Variants in TANC2 observed in about 807,000 individuals in gnomAD.
The protein encoded by TANC2 is protein TANC2.
In TANC2, 26 loss-of-function variants were observed where a neutral mutation model predicts 210.5. That is an observed-to-expected ratio of 0.12 (90% CI 0.09 to 0.17). The LOEUF (loss-of-function observed/expected upper bound fraction) is 0.17, where lower values mean the gene tolerates loss of function less well. TANC2 is among the 10% of genes least tolerant of loss of function. The probability of loss-of-function intolerance (pLI) is 1.00; values close to 1 mark genes in which losing one functional copy is unlikely to be tolerated. For missense variants in TANC2, 2,129 were observed against 2,608.9 expected, an observed-to-expected ratio of 0.82 and a Z score of 4.01; for synonymous variants, 931 against 967.1, an observed-to-expected ratio of 0.96 and a Z score of 0.69.
intron 8 of TANC2, among the ~76,000 whole-genome samples, chr17:63,258,691 TGTG>T (rs150014909): frequency 0.022 from 3,276 of 152,154 alleles, 62 homozygotes; most frequent in Admixed American, 0.077. Context: ...TCATTCAGCT[TGTG>T]GTGAATGCTG....
intron 4 of TANC2, among the ~76,000 whole-genome samples, chr17:63,140,750 T>C (rs187176350): frequency 6.6e-6 from 1 of 152,240 alleles, no homozygotes; most frequent in East Asian, 1.9e-4. Context: ...GAGAAACAGT[T>C]TTTTGTTTTG....
exon 12 of TANC2, chr17:63,340,163 C>T (rs779873517): frequency 7.4e-6 from 12 of 1,613,792 alleles, no homozygotes; most frequent in Non-Finnish European, 9.3e-6. Flanking sequence ...CAGAATTTGT[C>T]CACAATGTTG....
chr17:63,108,606 C>G (rs1051534417), intron 4 of TANC2, among the ~76,000 whole-genome samples: 2 of 151,598 alleles, frequency 1.3e-5, no homozygotes, highest in East Asian at 1.9e-4. Context: ...GCCAAGAGAT[C>G]GAGACCATCC....
intron 6 of TANC2, among the ~76,000 whole-genome samples, chr17:63,198,449 G>C (rs2041418650): frequency 6.6e-6 from 1 of 152,152 alleles, no homozygotes; most frequent in Non-Finnish European, 1.5e-5. Flanking sequence ...CCTGCCTCAA[G>C]CCTCCCAAAG....
intron 2 of TANC2, among the ~76,000 whole-genome samples, chr17:63,021,027 A>C (rs1436129508): frequency 6.6e-6 from 1 of 152,140 alleles, no homozygotes. Flanking sequence ...AGCTACCCTC[A>C]TGACCCAGAT....
chr17:63,360,597 A>G (rs1169825121), intron 14 of TANC2, among the ~76,000 whole-genome samples: 1 of 152,168 alleles, frequency 6.6e-6, no homozygotes, highest in Admixed American at 6.5e-5. Flanking sequence ...TCAGGGTAAA[A>G]TATCCATCAC....
At chr17:63,369,737 G>T (rs1425433748) in intron 14 of TANC2, among the ~76,000 whole-genome samples, 2 of 151,538 alleles carry the variant, frequency 1.3e-5, no homozygotes, top group African/African-American at 4.9e-5. Context: ...TGAGTAGCTG[G>T]GATTACAGGC....
chr17:63,155,203 T>A (rs2145431447), intron 5 of TANC2: 1 of 152,088 alleles, frequency 6.6e-6, no homozygotes, highest in South Asian at 2.1e-4. Flanking sequence ...AATAGACCTA[T>A]CTTTAAAAAA....
chr17:63,316,343 A>G (rs1261229505), intron 10 of TANC2, among the ~76,000 whole-genome samples: 1 of 152,200 alleles, frequency 6.6e-6, no homozygotes, highest in Non-Finnish European at 1.5e-5. Context: ...GTTGCAGATA[A>G]CAGAGTGGTA....
At chr17:63,008,689 G>A (rs2033733331) in intron 1 of TANC2, among the ~76,000 whole-genome samples, 1 of 152,118 alleles carries the variant, frequency 6.6e-6, no homozygotes, top group South Asian at 2.1e-4. Flanking sequence ...AGGTGAGAGA[G>A]GATGTAATCC....
At chr17:63,400,943 G>GT (rs1567987235) in intron 19 of TANC2, among the ~76,000 whole-genome samples, 1 of 151,774 alleles carries the variant, frequency 6.6e-6, no homozygotes, top group Non-Finnish European at 1.5e-5. Context: ...GTGAGCCACC[G>GT]TGCCTGGCTG....
intron 2 of TANC2, among the ~76,000 whole-genome samples, chr17:63,019,506 C>G (rs1341625222): frequency 1.3e-5 from 2 of 152,144 alleles, no homozygotes; most frequent in African/African-American, 4.8e-5. Flanking sequence ...GTGTGAGATA[C>G]TGTGCCTGGC....
chr17:63,185,481 CT>C (rs36012501), intron 5 of TANC2, among the ~76,000 whole-genome samples: 1 of 151,968 alleles, frequency 6.6e-6, no homozygotes, highest in East Asian at 1.9e-4. Flanking sequence ...TATACTTTTC[CT>C]TTTTTTTATA....
chr17:63,427,655 A>G (rs1044701350), exon 28 of TANC2: 4 of 152,266 alleles, frequency 2.6e-5, no homozygotes, highest in Non-Finnish European at 5.9e-5. Context: ...AAGGAACTGT[A>G]TGTATGAAAG....
rs2046572623 is a variant in TANC2 at position 63,350,649 on chromosome 17, G to A, written c.1808-601G>A. On this transcript the variant is annotated intron_variant, in intron 12 of 27. Coordinates refer to ENST00000689528, the Ensembl canonical transcript of TANC2. ...ACTGGTCTCATTGCGGCTGCTTTAG[G>A]TATAGTCTAGGAAGCTGCTACGGTG... Among the ~76,000 whole-genome samples, 3 of 152,080 alleles carry A rather than the reference G, an allele frequency of 2.0e-5. No homozygotes were observed. The South Asian group carries it at 6.2e-4, about 31-fold the overall frequency.
At chr17:63,182,867 A>G (rs2040838312) in intron 5 of TANC2, 1 of 152,418 alleles carries the variant, frequency 6.6e-6, no homozygotes, top group Non-Finnish European at 1.5e-5. Flanking sequence ...ACCCTTGCAT[A>G]ACAAGTAACT....
intron 7 of TANC2, among the ~76,000 whole-genome samples, chr17:63,215,979 C>G (rs2042016266): frequency 6.6e-6 from 1 of 152,120 alleles, no homozygotes; most frequent in African/African-American, 2.4e-5. Flanking sequence ...TCTCAATCTC[C>G]TGACCTCATG....
intron 14 of TANC2, among the ~76,000 whole-genome samples, chr17:63,356,148 G>T (rs941608358): frequency 2.0e-5 from 3 of 152,104 alleles, no homozygotes; most frequent in African/African-American, 7.2e-5. Flanking sequence ...CAATGAGCTT[G>T]AACCTGACTT....
At chr17:63,286,429 A>G (rs1351125248) in intron 9 of TANC2, among the ~76,000 whole-genome samples, 2 of 152,172 alleles carry the variant, frequency 1.3e-5, no homozygotes, top group Admixed American at 1.3e-4. Flanking sequence ...ATTTAAAACT[A>G]CAGATCCACT....
Sources: gnomAD v4.1 joint callset for allele counts (sites outside exome capture counted in the v4.1 genomes callset) on GRCh38, gnomAD v4.1.1 for gene constraint, MANE v1.5 for transcripts, NCBI Gene and HGNC (gene_info 2026-07-23, HGNC 2026-07-21) for gene names.